MARCHF4: variants seen among roughly 807,000 people sequenced by gnomAD.
MARCHF4 encodes the protein E3 ubiquitin-protein ligase MARCHF4.
MARCHF4 carries 14 observed loss-of-function variants against 43.9 expected under a neutral mutation model. That is an observed-to-expected ratio of 0.32 (90% CI 0.21 to 0.50). MARCHF4 has a LOEUF of 0.50. Ranked by LOEUF, MARCHF4 falls within the 20% of genes least tolerant of loss-of-function variation. The pLI is 0.98. For missense variants in MARCHF4, 468 were observed against 536.7 expected, an observed-to-expected ratio of 0.87 and a Z score of 1.27; for synonymous variants, 226 against 213.3, an observed-to-expected ratio of 1.06 and a Z score of -0.52.
At chr2:216,315,488 T>C (rs1393567008) in intron 1 of MARCHF4, among the ~76,000 whole-genome samples, 1 of 152,234 alleles carries the variant, frequency 6.6e-6, no homozygotes, top group Non-Finnish European at 1.5e-5. Context: ...CATTATACTA[T>C]ATTCTATTAT....
chr2:216,370,237 C>G lies in MARCHF4; in HGVS notation c.24G>C (p.Leu8=). Residue 8 remains leucine, a synonymous_variant, in exon 1 of 4, where the codon CTG becomes CTC. Coordinates refer to ENST00000273067, the MANE Select transcript of MARCHF4 (RefSeq NM_020814.3). ...AGCAGCAGCACCACCACCACCAGAG[C>G]AGCCCACACAGGGGCATCAGCATGT... The part of the protein sequence containing the change: MLMPLCG[L]LWWWWCCCSG... 1 of 1,606,264 alleles carries G rather than the reference C, an allele frequency of 6.2e-7. No homozygotes were observed. Among genetic ancestry groups the G allele is most frequent in the Non-Finnish European group, 8.5e-7 (1 of 1,174,520 alleles).
intron 1 of MARCHF4, among the ~76,000 whole-genome samples, chr2:216,344,532 T>A (rs1574483785): frequency 1.3e-5 from 2 of 152,226 alleles, no homozygotes; most frequent in East Asian, 3.9e-4. Flanking sequence ...GGAATTGATA[T>A]TGGCAAGAAT....
At chr2:216,273,773 G>A (rs1303349756) in intron 3 of MARCHF4, among the ~76,000 whole-genome samples, 1 of 152,220 alleles carries the variant, frequency 6.6e-6, no homozygotes, top group African/African-American at 2.4e-5. Flanking sequence ...GCAGCAAGAA[G>A]ACCACGCTGA....
intron 1 of MARCHF4, among the ~76,000 whole-genome samples, chr2:216,343,237 A>C (rs1415738276): frequency 3.3e-5 from 5 of 152,198 alleles, no homozygotes; most frequent in Admixed American, 3.3e-4. Context: ...GAGTGGCTTA[A>C]ATAACAGATA....
rs11895117 is a variant in MARCHF4, at chr2:216,350,307, C to T, written c.516+19438G>A. ...CACTGTGCTACACCCCCTCACTGTG[C>T]CACACCCCTCACTGTGCCACACCCC... On this transcript the variant is annotated intron_variant, in intron 1 of 3. Transcript: ENST00000273067. 5.8e-3 allele frequency among the ~76,000 whole-genome samples: 794 copies of T among 136,004 alleles called. 6 individuals carry two copies. Among genetic ancestry groups the T allele is most frequent in the African/African-American group, 0.021 (743 of 35,854 alleles). 89.2% of individuals were successfully genotyped at this position (136,004 alleles called of 152,430 possible). A position where few individuals can be genotyped will look rare whatever the true frequency, so the allele number is the denominator to read the frequency against.
At chr2:216,333,966 T>A (rs1314587878) in intron 1 of MARCHF4, among the ~76,000 whole-genome samples, 1 of 152,054 alleles carries the variant, frequency 6.6e-6, no homozygotes, top group East Asian at 1.9e-4. Context: ...AGTAATTTTT[T>A]TTTTTTTTTT....
At chr2:216,293,554 G>T (rs1453560001) in intron 1 of MARCHF4, among the ~76,000 whole-genome samples, 1 of 142,196 alleles carries the variant, frequency 7.0e-6, no homozygotes, top group African/African-American at 2.7e-5. Flanking sequence ...CAGCCTTTCT[G>T]CTCATCATTT....
intron 1 of MARCHF4, among the ~76,000 whole-genome samples, chr2:216,356,625 A>G (rs1218439891): frequency 6.6e-6 from 1 of 152,218 alleles, no homozygotes; most frequent in Non-Finnish European, 1.5e-5. Context: ...TTTTTGCTAT[A>G]CTGGTAATTC....
intron 1 of MARCHF4, among the ~76,000 whole-genome samples, chr2:216,352,744 C>T (rs1432435233): frequency 6.6e-6 from 1 of 152,166 alleles, no homozygotes; most frequent in African/African-American, 2.4e-5. Flanking sequence ...CCATAGATAT[C>T]TCATCTTGTG....
rs146691822 is a variant in MARCHF4, at chr2:216,300,348, ATG to A, written c.517-16621_517-16620del. Among the ~76,000 whole-genome samples, 368 of 120,468 alleles carry A rather than the reference ATG, an allele frequency of 3.1e-3. 1 individual carries two copies. The highest frequency in any genetic ancestry group is 0.013 in the South Asian group (35 of 2,672). 79.0% of individuals were successfully genotyped at this position (120,468 alleles called of 152,430 possible). ...TATATGTCCATCTCGATATATATAT[ATG>A]TATATATATATATATATATGACTTA... On this transcript the variant is annotated intron_variant, in intron 1 of 3. Transcript: ENST00000273067.
intron 1 of MARCHF4, among the ~76,000 whole-genome samples, chr2:216,336,035 T>C (rs954310147): frequency 7.8e-6 from 1 of 129,018 alleles, no homozygotes; most frequent in African/African-American, 3.0e-5. Flanking sequence ...ACCACTGCAC[T>C]CTAGCCTGAG....
At chr2:216,323,276 T>C (rs1691934752) in intron 1 of MARCHF4, among the ~76,000 whole-genome samples, 1 of 152,192 alleles carries the variant, frequency 6.6e-6, no homozygotes, top group South Asian at 2.1e-4. Context: ...AAATGCAAGA[T>C]ATGGCTCTTC....
At chr2:216,369,257 A>C (rs1173482548) in intron 1 of MARCHF4, among the ~76,000 whole-genome samples, 1 of 152,250 alleles carries the variant, frequency 6.6e-6, no homozygotes, top group Non-Finnish European at 1.5e-5. Context: ...TGTCCAAAGT[A>C]AAAGAACAAG....
At chr2:216,270,756 A>C (rs1378388708) in intron 3 of MARCHF4, among the ~76,000 whole-genome samples, 1 of 151,998 alleles carries the variant, frequency 6.6e-6, no homozygotes, top group Non-Finnish European at 1.5e-5. Context: ...CAGGCTCCAC[A>C]ATGGTGCCCA....
At chr2:216,264,835 G>A (rs534346217) in intron 3 of MARCHF4, among the ~76,000 whole-genome samples, 1 of 152,338 alleles carries the variant, frequency 6.6e-6, no homozygotes, top group African/African-American at 2.4e-5. Context: ...CCATTTTAAT[G>A]GATAGTTGGC....
At position 216,355,864 on chromosome 2, in the gene MARCHF4, C is replaced by T. The variant is rs1032243999; in HGVS notation, c.516+13881G>A. On this transcript the variant is annotated intron_variant, in intron 1 of 3. Transcript: ENST00000273067. ...AAAGTTGCATTTCATGCAGACCCAG[C>T]CTATTCCCCCAACCCCTCAATCTTC... Among the ~76,000 whole-genome samples, 3 of 152,278 alleles carry T rather than the reference C, an allele frequency of 2.0e-5. No individual in the cohort carries two copies. The East Asian group carries it at 5.8e-4, about 29-fold the overall frequency.
At chr2:216,314,332 T>TC (rs1345062700) in intron 1 of MARCHF4, among the ~76,000 whole-genome samples, 3 of 151,902 alleles carry the variant, frequency 2.0e-5, no homozygotes, top group Non-Finnish European at 4.4e-5. Context: ...ACTACTTTTT[T>TC]TTTTTTTTTT....
At chr2:216,355,331 C>T (rs148300030) in intron 1 of MARCHF4, among the ~76,000 whole-genome samples, 240 of 152,174 alleles carry the variant, frequency 1.6e-3, no homozygotes, top group Non-Finnish European at 2.5e-3. Flanking sequence ...CTTTCAAGCA[C>T]ATATAAAAGT....
At chr2:216,344,228 C>T (rs565522935) in intron 1 of MARCHF4, among the ~76,000 whole-genome samples, 35 of 147,978 alleles carry the variant, frequency 2.4e-4, no homozygotes, top group African/African-American at 7.5e-4. Context: ...AACTCATCCA[C>T]AGCAAAACAA....
Sources: allele counts gnomAD v4.1 joint callset (sites outside exome capture counted in the v4.1 genomes callset), GRCh38; gene constraint gnomAD v4.1.1; transcripts MANE v1.5; gene names NCBI Gene and HGNC (gene_info 2026-07-23, HGNC 2026-07-21).